The following DENND2B variants were observed in gnomAD, a reference collection of about 807,000 sequenced individuals.
DENND2B encodes the protein DENN domain containing 2B.
Under a neutral mutation model 116.0 loss-of-function variants are expected in DENND2B, and 32 were observed. The ratio of observed to expected loss-of-function variants is 0.28; its 90% CI spans 0.21 to 0.37. The LOEUF is 0.37. Ranked by LOEUF, DENND2B falls within the 10% of genes least tolerant of loss-of-function variation. DENND2B has a pLI of 1.00. For missense variants in DENND2B, 1,276 were observed against 1,477.7 expected (o/e 0.86, Z 2.24); for synonymous variants, 588 against 583.9 (o/e 1.01, Z -0.10).
At chr11:8,850,950 T>A (rs1382197351) in intron 3 of DENND2B, among the ~76,000 whole-genome samples, 1 of 152,156 alleles carries the variant, frequency 6.6e-6, no homozygotes, top group Admixed American at 6.5e-5. Flanking sequence ...CCACATGATC[T>A]CACTTATATG....
Position 8,696,549 on chromosome 11 carries a change from C to A in DENND2B, c.3170G>T (p.Arg1057Leu). The A allele has an allele frequency of 6.2e-7, 1 of 1,614,198 alleles. No homozygotes were observed. The highest frequency in any genetic ancestry group is 8.5e-7 in the Non-Finnish European group (1 of 1,180,050). ...GGCCACAGATTTGCGGAAGGCCTCT[C>A]GCTGAAAGGCCCTCTCTCCCTTCTC... Reference protein sequence around the residue: ...QSEKGERAFQREAFRKSVASK... With the variant: ...QSEKGERAFQLEAFRKSVASK... The change falls in exon 18 of 20, where the codon CGA becomes CTA. Residue 1057 changes from arginine to leucine, a missense_variant. Coordinates refer to ENST00000313726, the MANE Select transcript of DENND2B (RefSeq NM_213618.2).
At chr11:8,821,786 T>C (rs141455909) in intron 4 of DENND2B, among the ~76,000 whole-genome samples, 208 of 152,238 alleles carry the variant, frequency 1.4e-3, no homozygotes, top group Non-Finnish European at 2.6e-3. Context: ...CTATTGTAGA[T>C]TTGTTTTGTT....
At chr11:8,873,718 C>G (rs927518644), upstream of DENND2B, among the ~76,000 whole-genome samples, 3 of 152,238 alleles carry the variant, frequency 2.0e-5, no homozygotes, top group Non-Finnish European at 2.9e-5. Flanking sequence ...TACATCCTAT[C>G]TGCCTAGCAC....
Position 8,730,084 on chromosome 11 carries a change from G to A in DENND2B, c.1206C>T (p.Pro402=). 6.2e-7 allele frequency: 1 copy of A among 1,614,204 alleles called. No homozygotes were observed. The highest frequency in any genetic ancestry group is 8.5e-7 in the Non-Finnish European group (1 of 1,180,032). ...GTAGACCATTACTGGGCTTACTCTT[G>A]GGGTTCTTGTCAGCCTCGTATTCAA... ...RTFEYEADKN[P]KSKPSNGLPP... The change falls in exon 3 of 20, where the codon CCC becomes CCT. Residue 402 remains proline, a synonymous_variant. Coordinates refer to ENST00000313726, the MANE Select transcript of DENND2B (RefSeq NM_213618.2). The surrounding 1 kb of genome is among the most constrained non-coding windows in gnomAD (Gnocchi z 4.1).
intron 1 of DENND2B, among the ~76,000 whole-genome samples, chr11:8,767,444 T>C (rs2056045282): frequency 1.3e-5 from 2 of 152,128 alleles, no homozygotes; most frequent in Admixed American, 6.5e-5. Flanking sequence ...GTTTTAATTC[T>C]TAAATTCCAT....
chr11:8,730,063 A>C lies in DENND2B; in HGVS notation c.1227T>G (p.Gly409=). The C allele has an allele frequency of 1.9e-6, 3 of 1,614,122 alleles. No homozygotes were observed. Among genetic ancestry groups the C allele is most frequent in the Non-Finnish European group, 2.5e-6 (3 of 1,179,998 alleles). Residue 409 remains glycine (G), a synonymous_variant, in exon 3 of 20, where the codon GGT becomes GGG. Coordinates refer to ENST00000313726, the MANE Select transcript of DENND2B (RefSeq NM_213618.2). The surrounding 1 kb of genome is among the most constrained non-coding windows in gnomAD (Gnocchi z 4.1). ...CAGCAGGTGTGGGTGAAGGAGGTAG[A>C]CCATTACTGGGCTTACTCTTGGGGT... ...DKNPKSKPSN[G]LPPSPTPAAP... is the part of the protein sequence containing the mutation.
chr11:8,747,657 G>A (rs1041897402), intron 2 of DENND2B, among the ~76,000 whole-genome samples: 1 of 152,158 alleles, frequency 6.6e-6, no homozygotes, highest in Non-Finnish European at 1.5e-5. Context: ...CCTGTGGGGA[G>A]AGTGTATCTG....
At chr11:8,822,505 G>A (rs2061803778) in intron 4 of DENND2B, among the ~76,000 whole-genome samples, 1 of 152,182 alleles carries the variant, frequency 6.6e-6, no homozygotes, top group Non-Finnish European at 1.5e-5. Flanking sequence ...GATTTCAAAA[G>A]TGGACTCTTT....
chr11:8,697,307 A>C (rs1430356539), intron 17 of DENND2B, among the ~76,000 whole-genome samples: 1 of 152,266 alleles, frequency 6.6e-6, no homozygotes, highest in East Asian at 1.9e-4. Flanking sequence ...AGGAATAATT[A>C]GTTTTCTGTC....
chr11:8,766,143 G>A (rs2055724131), intron 1 of DENND2B, among the ~76,000 whole-genome samples: 1 of 152,094 alleles, frequency 6.6e-6, no homozygotes, highest in Non-Finnish European at 1.5e-5. Flanking sequence ...AGAAAGTTTG[G>A]GAGTCTCTGC....
intron 3 of DENND2B, chr11:8,839,396 T>TCCCCCAGC (rs2062546327): frequency 6.6e-6 from 1 of 152,168 alleles, no homozygotes; most frequent in African/African-American, 2.4e-5. Context: ...AAAATTCACT[T>TCCCCCAGC]ACACTTTCCA....
chr11:8,708,463 G>T, intron 11 of DENND2B: 1 of 443,858 alleles, frequency 2.3e-6, no homozygotes, highest in Non-Finnish European at 3.0e-6. Context: ...TTATAGATGA[G>T]GCAACTGAGT....
At chr11:8,855,830 C>A (rs2063174668) in intron 3 of DENND2B, among the ~76,000 whole-genome samples, 2 of 152,078 alleles carry the variant, frequency 1.3e-5, no homozygotes, top group African/African-American at 4.8e-5. Context: ...AGGGAAGGGC[C>A]CAATCCAAAC....
At chr11:8,769,056 C>CCT (rs1336801353) in intron 1 of DENND2B, among the ~76,000 whole-genome samples, 1 of 152,042 alleles carries the variant, frequency 6.6e-6, no homozygotes, top group Non-Finnish European at 1.5e-5. Flanking sequence ...CCACACTGCC[C>CCT]CTCCTTGCTG....
chr11:8,885,338 GA>G (rs1303150453), intron 1 of DENND2B, among the ~76,000 whole-genome samples: 1 of 152,200 alleles, frequency 6.6e-6, no homozygotes, highest in Non-Finnish European at 1.5e-5. Context: ...TAAAATTATA[GA>G]ATCTTTTTTA....
chr11:8,807,614 G>C (rs780754217), intron 1 of DENND2B, among the ~76,000 whole-genome samples: 1 of 152,156 alleles, frequency 6.6e-6, no homozygotes, highest in Admixed American at 6.5e-5. Flanking sequence ...TACAGGAAGC[G>C]GAGTAGAAGG....
intron 1 of DENND2B, among the ~76,000 whole-genome samples, chr11:8,756,536 C>T (rs1235902653): frequency 6.6e-6 from 1 of 152,208 alleles, no homozygotes; most frequent in Non-Finnish European, 1.5e-5. Flanking sequence ...CACAGGGGCG[C>T]ACTAGGTTAG....
At chr11:8,800,815 C>T (rs773114914) in intron 1 of DENND2B, among the ~76,000 whole-genome samples, 13 of 152,104 alleles carry the variant, frequency 8.5e-5, no homozygotes, top group Non-Finnish European at 1.6e-4. Flanking sequence ...AAGAAAATCT[C>T]TTTATAATTT....
chr11:8,849,668 C>CA (rs2062937552), intron 3 of DENND2B, among the ~76,000 whole-genome samples: 1 of 151,368 alleles, frequency 6.6e-6, no homozygotes, highest in South Asian at 2.1e-4. Context: ...ACTAAAGATA[C>CA]AAAAATTAGC....
Sources: allele counts gnomAD v4.1 joint callset (sites outside exome capture counted in the v4.1 genomes callset), GRCh38; gene constraint gnomAD v4.1.1; non-coding constraint Gnocchi (gnomAD v3.1); transcripts MANE v1.5; gene names NCBI Gene and HGNC (gene_info 2026-07-23, HGNC 2026-07-21).